Variants in TTC7B observed in about 807,000 individuals in gnomAD.
TTC7B encodes the protein tetratricopeptide repeat protein 7B.
Under a neutral mutation model 106.8 loss-of-function variants are expected in TTC7B, and 28 were observed. The observed-to-expected ratio is 0.26, with a 90% CI of 0.19 to 0.36. TTC7B has a LOEUF of 0.36. Among genes scored for constraint, TTC7B ranks in the 10% least tolerant of loss-of-function variants. The pLI is 1.00. For missense variants in TTC7B, 862 were observed against 1,076.4 expected (o/e 0.80, Z 2.79); for synonymous variants, 405 against 430.6 (o/e 0.94, Z 0.74).
chr14:90,648,276 A>ACTTTT (rs1428679525), intron 13 of TTC7B: 1 of 152,160 alleles, frequency 6.6e-6, no homozygotes, highest in African/African-American at 2.4e-5. Context: ...TAGCCTCAGG[A>ACTTTT]CTTTTCTTAG....
intron 15 of TTC7B, among the ~76,000 whole-genome samples, chr14:90,618,440 T>C (rs1019577358): frequency 2.0e-5 from 3 of 152,236 alleles, no homozygotes; most frequent in African/African-American, 4.8e-5. Context: ...ACTCAGTTGA[T>C]ATAAATATCT....
chr14:90,621,139 G>A lies in TTC7B; in HGVS notation c.1752-3094C>T, dbSNP rs73326828. On this transcript the variant is annotated intron_variant, in intron 15 of 19. Transcript: ENST00000328459. ...TGATGGGCAGAGGCCACACGGGTTC[G>A]GCTGGGACGATAGGCAGAAGCCACA... 2.7e-3 allele frequency among the ~76,000 whole-genome samples: 407 copies of A among 152,026 alleles called. 3 individuals are homozygous for A. Among genetic ancestry groups the A allele is most frequent in the African/African-American group, 8.9e-3 (367 of 41,464 alleles).
intron 19 of TTC7B, among the ~76,000 whole-genome samples, chr14:90,573,147 T>G (rs1891098510): frequency 6.6e-6 from 1 of 152,182 alleles, no homozygotes; most frequent in African/African-American, 2.4e-5. Context: ...GAAACTTCAT[T>G]TAAGGGGATG....
intron 16 of TTC7B, among the ~76,000 whole-genome samples, chr14:90,615,687 C>G (rs185338034): frequency 6.6e-6 from 1 of 152,334 alleles, no homozygotes; most frequent in African/African-American, 2.4e-5. Flanking sequence ...AGGGTCACCT[C>G]TTACCGAGCA....
rs540533539 is a variant in TTC7B, at chr14:90,588,504, G to C, written c.2107+4982C>G. On this transcript the variant is annotated intron_variant, in intron 18 of 19. Transcript: ENST00000328459. ...AAAAGACCCTGGCTCAGTGCTGAAG[G>C]GCTGTGGACATGCGAATTTCCAATG... 7.4e-4 allele frequency among the ~76,000 whole-genome samples: 113 copies of C among 152,258 alleles called. No individual in the cohort carries two copies. The Middle Eastern group carries it at 0.01, about 14-fold the overall frequency.
intron 2 of TTC7B, among the ~76,000 whole-genome samples, chr14:90,785,579 G>A (rs1891358769): frequency 1.3e-5 from 2 of 152,082 alleles, no homozygotes; most frequent in African/African-American, 4.8e-5. Context: ...AAGAAAGGAA[G>A]GAAAGCCACG....
rs935163201 is a variant in TTC7B at position 90,578,394 on chromosome 14, T to G, written c.2108-86A>C. 18 of 1,398,628 alleles carry G rather than the reference T, an allele frequency of 1.3e-5. 1 individual carries two copies. The African/African-American group carries it at 1.8e-4, about 14-fold the overall frequency. The allele number at this position is 1,398,628 out of a possible 1,614,324, so 86.6% of individuals were successfully genotyped here. On this transcript the variant is annotated intron_variant, in intron 18 of 19. Transcript: ENST00000328459. The surrounding 1 kb of genome is among the most constrained non-coding windows in gnomAD (Gnocchi z 4.7). ...CCACCACTCTGATGTTCGTGTTCCC[T>G]GCACGGGAGTCTGGCGGGGCGCAGA...
chr14:90,646,316 C>T (rs1293176287), intron 14 of TTC7B, among the ~76,000 whole-genome samples: 1 of 152,208 alleles, frequency 6.6e-6, no homozygotes, highest in East Asian at 1.9e-4. Context: ...ATCCCCAGAA[C>T]AGCTGGGAGG....
chr14:90,656,680 C>T (rs1340207246), intron 11 of TTC7B, among the ~76,000 whole-genome samples: 2 of 152,152 alleles, frequency 1.3e-5, no homozygotes, highest in Non-Finnish European at 2.9e-5. Context: ...GTAGTCCCAG[C>T]TACTCAGAAG....
At chr14:90,815,583 C>G (rs1566902587) in intron 1 of TTC7B, among the ~76,000 whole-genome samples, 1 of 152,052 alleles carries the variant, frequency 6.6e-6, no homozygotes, top group Non-Finnish European at 1.5e-5. Flanking sequence ...AGCCTTGATG[C>G]TACTTCTCCG....
chr14:90,575,110 C>T lies in TTC7B; in HGVS notation c.2310+2996G>A, dbSNP rs1420222984. Among the ~76,000 whole-genome samples, 7 of 152,194 alleles carry T rather than the reference C, an allele frequency of 4.6e-5. No homozygotes were observed. The highest frequency in any genetic ancestry group is 1.0e-4 in the Non-Finnish European group (7 of 68,034). On this transcript the variant is annotated intron_variant, in intron 19 of 19. Transcript: ENST00000328459. The surrounding 1 kb of genome is among the most constrained non-coding windows in gnomAD (Gnocchi z 5.2). ...GCCCTGCCTCCTCCCTGGGGCTTGA[C>T]CTGGTAAGACAGCCTCTCATCTCCC...
At position 90,657,616 on chromosome 14, in the gene TTC7B, G is replaced by T. The variant is rs924313408; in HGVS notation, c.1237-338C>A. Among the ~76,000 whole-genome samples the T allele has an allele frequency of 1.3e-5, 2 of 152,214 alleles. No homozygotes were observed. The highest frequency in any genetic ancestry group is 4.8e-5 in the African/African-American group (2 of 41,450). Reference sequence around the variant, plus strand: ...TATCTAATTTAAGGCACAAAATACTGAATTTCTGAATTCACTTAGCTCAAA... The same window carrying T: ...TATCTAATTTAAGGCACAAAATACTTAATTTCTGAATTCACTTAGCTCAAA... On this transcript the variant is annotated intron_variant, in intron 10 of 19. Transcript: ENST00000328459. This position sits in a 1 kb window ranked among gnomAD's most constrained non-coding sequence, Gnocchi z 4.2.
chr14:90,745,707 C>CT (rs530213103), intron 3 of TTC7B, among the ~76,000 whole-genome samples: 5,228 of 140,892 alleles, frequency 0.037, 232 homozygotes, highest in African/African-American at 0.1. Flanking sequence ...TTTTGTTTTT[C>CT]TTTTTTTTTT....
intron 19 of TTC7B, among the ~76,000 whole-genome samples, chr14:90,561,780 A>C (rs1467004863): frequency 6.6e-6 from 1 of 152,222 alleles, no homozygotes; most frequent in Non-Finnish European, 1.5e-5. Context: ...AAACCATGGC[A>C]GGGAAGAGGG....
intron 17 of TTC7B, among the ~76,000 whole-genome samples, chr14:90,596,099 A>G (rs1892191112): frequency 6.6e-6 from 1 of 152,178 alleles, no homozygotes; most frequent in Non-Finnish European, 1.5e-5. Flanking sequence ...TGATATTCAC[A>G]TTAGAAGTAA....
At chr14:90,704,460 C>T (rs1888124562) in intron 5 of TTC7B, among the ~76,000 whole-genome samples, 1 of 152,234 alleles carries the variant, frequency 6.6e-6, no homozygotes, top group Non-Finnish European at 1.5e-5. Context: ...AACTCAGGCC[C>T]TATCTGATGC....
rs185603595 is a variant in TTC7B at position 90,812,510 on chromosome 14, C to T, written c.121+3665G>A. Among the ~76,000 whole-genome samples, 101 of 152,246 alleles carry T rather than the reference C, an allele frequency of 6.6e-4. 1 individual carries two copies. In the Middle Eastern group the frequency reaches 0.027, roughly 41 times the overall value. The stretch of plus-strand genomic sequence containing the variant: ...CTGAGATGTGGATTCTAACCCTGCA[C>T]GTCTGAAGCCGGCCCAAGAATCCGC... On this transcript the variant is annotated intron_variant, in intron 1 of 19. Coordinates refer to ENST00000328459, the MANE Select transcript of TTC7B (RefSeq NM_001010854.2).
intron 7 of TTC7B, among the ~76,000 whole-genome samples, chr14:90,681,681 C>T (rs1265928677): frequency 3.3e-5 from 5 of 152,134 alleles, no homozygotes; most frequent in Admixed American, 3.3e-4. Flanking sequence ...TCTTCTGAGG[C>T]TAAAATTTTA....
chr14:90,782,617 C>T (rs1002855229), intron 2 of TTC7B, among the ~76,000 whole-genome samples: 1 of 152,142 alleles, frequency 6.6e-6, no homozygotes, highest in Non-Finnish European at 1.5e-5. Flanking sequence ...GCATCCACCA[C>T]AGGGGTTCTC....
Sources: gnomAD v4.1 joint callset for allele counts (sites outside exome capture counted in the v4.1 genomes callset) on GRCh38, gnomAD v4.1.1 for gene constraint, Gnocchi (gnomAD v3.1) non-coding constraint, MANE v1.5 for transcripts, NCBI Gene and HGNC (gene_info 2026-07-23, HGNC 2026-07-21) for gene names.